Variants in CDH13 observed in about 807,000 individuals in gnomAD.
The protein encoded by CDH13 is cadherin 13.
Under a neutral mutation model 63.8 loss-of-function variants are expected in CDH13, and 24 were observed. The ratio of observed to expected loss-of-function variants is 0.38; its 90% confidence interval spans 0.27 to 0.53. CDH13 has a LOEUF of 0.53. Ranked by LOEUF, CDH13 falls within the 20% of genes least tolerant of loss-of-function variation. The pLI is 0.85. For missense variants in CDH13, 1,049 were observed against 903.1 expected (o/e 1.16, Z -2.07); for synonymous variants, 503 against 355.3 (o/e 1.42, Z -4.67).
chr16:83,438,133 C>G (rs554831167), intron 6 of CDH13, among the ~76,000 whole-genome samples: 7 of 152,296 alleles, frequency 4.6e-5, no homozygotes, highest in South Asian at 4.1e-4. Flanking sequence ...CAGTGTGCAT[C>G]GAAATCGCAG....
chr16:82,803,410 G>A (rs1001021542), intron 1 of CDH13, among the ~76,000 whole-genome samples: 4 of 152,172 alleles, frequency 2.6e-5, no homozygotes, highest in Non-Finnish European at 4.4e-5. Context: ...CTTAGCATGC[G>A]AGGCTCAAAT....
chr16:83,094,922 G>A (rs1289405411), intron 3 of CDH13, among the ~76,000 whole-genome samples: 8 of 152,084 alleles, frequency 5.3e-5, no homozygotes, highest in Non-Finnish European at 1.2e-4. Flanking sequence ...ATTGAAAACC[G>A]GTTTGATGAT....
intron 6 of CDH13, among the ~76,000 whole-genome samples, chr16:83,453,983 G>C (rs2072955590): frequency 2.0e-5 from 3 of 152,188 alleles, no homozygotes; most frequent in South Asian, 2.1e-4. Context: ...CCCTCTGAAG[G>C]CTAGGTTCTA....
intron 1 of CDH13, among the ~76,000 whole-genome samples, chr16:82,784,265 G>T (rs190681518): frequency 6.6e-6 from 1 of 152,166 alleles, no homozygotes; most frequent in African/African-American, 2.4e-5. Context: ...GACCTTAGAC[G>T]TTGACATCCC....
chr16:83,119,024 T>C (rs1171570344), intron 3 of CDH13, among the ~76,000 whole-genome samples: 1 of 152,172 alleles, frequency 6.6e-6, no homozygotes. Context: ...GAGTCCTCAC[T>C]GTCCATGTAA....
At chr16:83,719,597 C>T (rs1909410114) in intron 10 of CDH13, among the ~76,000 whole-genome samples, 1 of 152,200 alleles carries the variant, frequency 6.6e-6, no homozygotes, top group African/African-American at 2.4e-5. Context: ...CCGAGCGCTT[C>T]CTGCATACCA....
chr16:83,767,399 G>C (rs1000898834), intron 11 of CDH13, among the ~76,000 whole-genome samples: 2 of 152,142 alleles, frequency 1.3e-5, no homozygotes, highest in African/African-American at 4.8e-5. Flanking sequence ...GAGTTCTCCT[G>C]CATGAGCTCC....
intron 5 of CDH13, among the ~76,000 whole-genome samples, chr16:83,272,737 T>C (rs1281609146): frequency 6.6e-6 from 1 of 152,128 alleles, no homozygotes; most frequent in Non-Finnish European, 1.5e-5. Context: ...TGGACACACT[T>C]CAGTAGCTTT....
intron 11 of CDH13, among the ~76,000 whole-genome samples, chr16:83,775,818 G>A (rs1365218239): frequency 6.6e-6 from 1 of 152,160 alleles, no homozygotes; most frequent in South Asian, 2.1e-4. Context: ...TTGATTCTTG[G>A]TTATGAGTGG....
intron 10 of CDH13, among the ~76,000 whole-genome samples, chr16:83,740,557 A>G (rs1301279872): frequency 6.6e-6 from 1 of 152,200 alleles, no homozygotes; most frequent in Non-Finnish European, 1.5e-5. Context: ...GTCTGTAAAA[A>G]GCAAAGTTTT....
intron 2 of CDH13, among the ~76,000 whole-genome samples, chr16:82,997,405 A>G (rs1040405445): frequency 6.6e-6 from 1 of 152,188 alleles, no homozygotes; most frequent in Non-Finnish European, 1.5e-5. Flanking sequence ...GTCCAAATTT[A>G]AAGGGATACG....
chr16:83,292,505 C>A (rs997762504), intron 5 of CDH13, among the ~76,000 whole-genome samples: 1 of 152,048 alleles, frequency 6.6e-6, no homozygotes, highest in African/African-American at 2.4e-5. Context: ...TGGGCCACAG[C>A]GACAAAAAGT....
chr16:83,724,831 C>G (rs1447702491), intron 10 of CDH13, among the ~76,000 whole-genome samples: 1 of 152,176 alleles, frequency 6.6e-6, no homozygotes, highest in African/African-American at 2.4e-5. Flanking sequence ...AACCTGCAGC[C>G]AGGAGCTGCT....
intron 5 of CDH13, among the ~76,000 whole-genome samples, chr16:83,245,876 C>T (rs1248168812): frequency 6.6e-6 from 1 of 152,014 alleles, no homozygotes; most frequent in African/African-American, 2.4e-5. Flanking sequence ...CTGAGTAGCC[C>T]GGACTACAGG....
chr16:83,344,812 T>C, intron 5 of CDH13, 50 bp from the exon 6 acceptor site: 1 of 1,595,148 alleles, frequency 6.3e-7, no homozygotes, highest in Non-Finnish European at 8.6e-7. Flanking sequence ...ATTTGAATTT[T>C]CATAATGAAT....
intron 1 of CDH13, among the ~76,000 whole-genome samples, chr16:82,792,187 G>A (rs952743452): frequency 6.6e-6 from 1 of 152,132 alleles, no homozygotes; most frequent in African/African-American, 2.4e-5. Flanking sequence ...TTCCAGATAA[G>A]AGATGATTCT....
At chr16:83,204,029 C>A (rs1474202099) in intron 4 of CDH13, among the ~76,000 whole-genome samples, 1 of 152,162 alleles carries the variant, frequency 6.6e-6, no homozygotes. Flanking sequence ...ATCTGGAAAT[C>A]GAGACTTTGA....
intron 3 of CDH13, among the ~76,000 whole-genome samples, chr16:83,076,426 C>T (rs975784284): frequency 3.3e-5 from 5 of 152,124 alleles, no homozygotes; most frequent in African/African-American, 1.2e-4. Flanking sequence ...CTTGGCTAGA[C>T]AAAGATCCTT....
chr16:83,503,382 G>A (rs1267894407), intron 7 of CDH13, among the ~76,000 whole-genome samples: 1 of 152,200 alleles, frequency 6.6e-6, no homozygotes, highest in Non-Finnish European at 1.5e-5. Flanking sequence ...TTCGGATGGG[G>A]TGGGATAACA....
Sources: allele counts gnomAD v4.1 joint callset (sites outside exome capture counted in the v4.1 genomes callset), GRCh38; gene constraint gnomAD v4.1.1; transcripts MANE v1.5; gene names NCBI Gene and HGNC (gene_info 2026-07-23, HGNC 2026-07-21).